Variants in LRMDA observed in about 807,000 individuals in gnomAD.
LRMDA encodes leucine-rich melanocyte differentiation-associated protein.
A neutral mutation model predicts 29.8 loss-of-function variants in LRMDA; 18 were observed. The observed-to-expected ratio is 0.60, with a 90% CI of 0.42 to 0.90. The LOEUF (loss-of-function observed/expected upper bound fraction) is 0.90. Among genes scored for constraint, LRMDA ranks in the 40% least tolerant of loss-of-function variants. LRMDA has a pLI of 0.00. For missense variants in LRMDA, 273 were observed against 273.9 expected, an observed-to-expected ratio of 1.00 and a Z score of 0.02; for synonymous variants, 125 against 109.4, an observed-to-expected ratio of 1.14 and a Z score of -0.89.
chr10:76,218,847 TC>T (rs1239427486), intron 5 of LRMDA, among the ~76,000 whole-genome samples: 1 of 152,276 alleles, frequency 6.6e-6, no homozygotes, highest in East Asian at 1.9e-4. Flanking sequence ...CTGATAGGGT[TC>T]CTTTCTTGTG....
chr10:76,134,518 T>A (rs1240676721), intron 5 of LRMDA, among the ~76,000 whole-genome samples: 2 of 152,166 alleles, frequency 1.3e-5, no homozygotes, highest in African/African-American at 4.8e-5. Context: ...CAAATCCAGG[T>A]GATGACCTAA....
At chr10:76,037,262 A>G (rs917877940) in intron 3 of LRMDA, among the ~76,000 whole-genome samples, 2 of 152,228 alleles carry the variant, frequency 1.3e-5, no homozygotes, top group African/African-American at 4.8e-5. Flanking sequence ...TCAGTGGTCC[A>G]ATGGCTTTGT....
rs34930292 is a variant in LRMDA, at chr10:75,849,380, T to TAA, written c.132-186620_132-186619dup. 1.9e-4 allele frequency among the ~76,000 whole-genome samples: 29 copies of TAA among 151,226 alleles called. No individual in the cohort carries two copies. The South Asian group carries it at 4.8e-3, about 25-fold the overall frequency. On this transcript the variant is annotated intron_variant, in intron 2 of 6. Transcript: ENST00000611255. ...AAGTGTCCATCAATGATAGACTGGATAAAAAAAAATTGTACATATATACCA... is the reference window on the plus strand; with the variant it reads ...AAGTGTCCATCAATGATAGACTGGATAAAAAAAAAAATTGTACATATATACCA...
chr10:76,537,906 G>C (rs1843308020), intron 6 of LRMDA, among the ~76,000 whole-genome samples: 1 of 151,966 alleles, frequency 6.6e-6, no homozygotes, highest in African/African-American at 2.4e-5. Flanking sequence ...CATTTTCTCT[G>C]TTCTACAATA....
Position 75,880,882 on chromosome 10 carries a change from C to T in LRMDA, c.132-155126C>T, listed in dbSNP as rs147172333. Reference sequence around the variant, plus strand: ...TTCCAGACTGTATGATGGGATAGGACCACCATGCTGCACAGTCGGGCAGCC... The same window carrying T: ...TTCCAGACTGTATGATGGGATAGGATCACCATGCTGCACAGTCGGGCAGCC... On this transcript the variant is annotated intron_variant, in intron 2 of 6. Coordinates refer to ENST00000611255, the MANE Select transcript of LRMDA (RefSeq NM_001305581.2). 7.6e-4 allele frequency among the ~76,000 whole-genome samples: 116 copies of T among 152,298 alleles called. No individual in the cohort carries two copies. In the East Asian group the frequency reaches 0.021, roughly 28 times the overall value.
At chr10:76,491,861 A>T (rs1233028942) in intron 6 of LRMDA, among the ~76,000 whole-genome samples, 1 of 151,686 alleles carries the variant, frequency 6.6e-6, no homozygotes, top group African/African-American at 2.4e-5. Context: ...GTGCTTCATT[A>T]TTTTTTATTC....
At chr10:75,816,444 C>T (rs2099714216) in intron 2 of LRMDA, among the ~76,000 whole-genome samples, 1 of 152,112 alleles carries the variant, frequency 6.6e-6, no homozygotes, top group Admixed American at 6.6e-5. Context: ...TTCATCCAGC[C>T]TTTCCAAGCA....
At chr10:75,985,227 A>G (rs2132453600) in intron 2 of LRMDA, among the ~76,000 whole-genome samples, 1 of 152,328 alleles carries the variant, frequency 6.6e-6, no homozygotes, top group South Asian at 2.1e-4. Flanking sequence ...TGAAGGAGAG[A>G]AAGTAAATAA....
chr10:75,465,379 T>C (rs1037340519), intron 2 of LRMDA, among the ~76,000 whole-genome samples: 2 of 152,218 alleles, frequency 1.3e-5, no homozygotes, highest in African/African-American at 4.8e-5. Context: ...ATCTTGTGTT[T>C]ATCCATACAC....
At chr10:75,764,376 C>G (rs10509360) in intron 2 of LRMDA, among the ~76,000 whole-genome samples, 11,643 of 152,222 alleles carry the variant, frequency 0.076, 1,217 homozygotes, top group African/African-American at 0.24. Context: ...CATTTAAACT[C>G]CGTCTGAAAG....
At chr10:75,679,898 C>G (rs1292475449) in intron 2 of LRMDA, among the ~76,000 whole-genome samples, 1 of 151,500 alleles carries the variant, frequency 6.6e-6, no homozygotes, top group Non-Finnish European at 1.5e-5. Flanking sequence ...AATTGTAAGT[C>G]ACAGGAAATA....
chr10:75,436,200 G>A (rs1470385149), intron 1 of LRMDA, among the ~76,000 whole-genome samples: 1 of 152,244 alleles, frequency 6.6e-6, no homozygotes, highest in East Asian at 1.9e-4. Context: ...ATTGTGCTGG[G>A]CAGGGCTCTG....
At chr10:76,395,328 T>C (rs1841770960) in intron 6 of LRMDA, among the ~76,000 whole-genome samples, 1 of 152,244 alleles carries the variant, frequency 6.6e-6, no homozygotes, top group Admixed American at 6.5e-5. Context: ...CTATATAATA[T>C]GCATCTTTGG....
chr10:76,338,133 C>T (rs954332777), intron 6 of LRMDA, among the ~76,000 whole-genome samples: 2 of 151,360 alleles, frequency 1.3e-5, no homozygotes, highest in African/African-American at 4.9e-5. Flanking sequence ...AAGGGTACTG[C>T]TTTTGATCAG....
At chr10:76,544,708 A>G (rs1843398239) in intron 6 of LRMDA, among the ~76,000 whole-genome samples, 1 of 86,074 alleles carries the variant, frequency 1.2e-5, no homozygotes, top group African/African-American at 4.5e-5. Context: ...ACATATATAC[A>G]TGCACACACA....
At chr10:76,135,832 G>C (rs72815529) in intron 5 of LRMDA, among the ~76,000 whole-genome samples, 28,550 of 150,140 alleles carry the variant, frequency 0.19, 2,810 homozygotes, top group Admixed American at 0.24. Context: ...ATGACCTTAT[G>C]TTAAATTGAT....
intron 2 of LRMDA, among the ~76,000 whole-genome samples, chr10:76,000,467 C>T (rs765571866): frequency 7.9e-5 from 12 of 152,120 alleles, no homozygotes; most frequent in Non-Finnish European, 1.3e-4. Context: ...TGGAGAAGTC[C>T]CCTGAACAAT....
At chr10:75,493,344 A>AT in intron 2 of LRMDA, among the ~76,000 whole-genome samples, 1 of 80,178 alleles carries the variant, frequency 1.2e-5, no homozygotes, top group Admixed American at 1.4e-4. Flanking sequence ...GAGGGTTGAG[A>AT]TTGGGTGTGT....
At chr10:76,232,599 C>T (rs1393175866) in intron 5 of LRMDA, among the ~76,000 whole-genome samples, 5 of 152,228 alleles carry the variant, frequency 3.3e-5, no homozygotes, top group Non-Finnish European at 7.3e-5. Context: ...ATGCCCTACC[C>T]TGGCCTTGCT....
Sources: allele counts gnomAD v4.1 joint callset (sites outside exome capture counted in the v4.1 genomes callset), GRCh38; gene constraint gnomAD v4.1.1; transcripts MANE v1.5; gene names NCBI Gene and HGNC (gene_info 2026-07-23, HGNC 2026-07-21).